The following CFLAR variants were observed in gnomAD, a reference collection of about 807,000 sequenced individuals.
CFLAR encodes CASP8 and FADD-like apoptosis regulator.
Under a neutral mutation model 51.1 loss-of-function variants are expected in CFLAR, and 14 were observed. The observed-to-expected ratio is 0.27, with a 90% CI of 0.18 to 0.43. CFLAR has a LOEUF of 0.43. Among genes scored for constraint, CFLAR ranks in the 20% least tolerant of loss-of-function variants. CFLAR has a pLI of 1.00. For synonymous variants in CFLAR, 210 were observed against 211.6 expected, an observed-to-expected ratio of 0.99 and a Z score of 0.06; for missense variants, 390 against 566.5, an observed-to-expected ratio of 0.69 and a Z score of 3.16.
At position 201,145,535 on chromosome 2, in the gene CFLAR, T is replaced by C. The variant is rs988075161; in HGVS notation, c.661+103T>C. 41 of 760,526 alleles carry C rather than the reference T, an allele frequency of 5.4e-5. No homozygotes were observed. In the Admixed American group the frequency reaches 5.8e-4, roughly 11 times the overall value. The allele number at this position is 760,526 out of a possible 1,614,324, so 47.1% of individuals were successfully genotyped here. ...GGTCATTTCCTTTATCTACATAATC[T>C]AAGTAAGCTCTCAAAATAAAAACTG... On this transcript the variant is annotated intron_variant, in intron 6 of 9. Coordinates refer to ENST00000309955, the MANE Select transcript of CFLAR (RefSeq NM_003879.7).
In CFLAR at chr2:201,138,082, G is replaced by A. The variant is rs953854397; in HGVS notation, c.523+1975G>A. 2.9e-5 allele frequency: 21 copies of A among 736,510 alleles called. No homozygotes were observed. Among genetic ancestry groups the A allele is most frequent in the Non-Finnish European group, 4.3e-5 (17 of 396,036 alleles). The allele number at this position is 736,510 out of a possible 1,614,324, so 45.6% of individuals were successfully genotyped here. A position where few individuals can be genotyped will look rare whatever the true frequency, so the allele number is the denominator to read the frequency against. On this transcript the variant is annotated intron_variant, in intron 4 of 9. Transcript: ENST00000309955. This position sits in a 1 kb window ranked among gnomAD's most constrained non-coding sequence, Gnocchi z 4.0. ...TCCTGGTTGATGTAGATGGAGCCGC[G>A]CAGTCCATGCCCCTGCCCAGCCCAT... is the stretch of plus-strand genomic sequence containing the variant.
intron 1 of CFLAR, among the ~76,000 whole-genome samples, chr2:201,119,401 G>T (rs1031748301): frequency 6.6e-6 from 1 of 152,176 alleles, no homozygotes; most frequent in African/African-American, 2.4e-5. Context: ...CCTGACTGGA[G>T]GAAGCCTGTG....
intron 4 of CFLAR, chr2:201,140,083 G>GC (rs11383425): frequency 1 from 243,695 of 243,846 alleles, 121,788 homozygotes; most frequent in Middle Eastern, 1. Flanking sequence ...CGACGCGGAG[G>GC]CGCGCCGCTG....
At chr2:201,150,925 C>A (rs1023269458) in intron 8 of CFLAR, among the ~76,000 whole-genome samples, 1 of 152,138 alleles carries the variant, frequency 6.6e-6, no homozygotes, top group African/African-American at 2.4e-5. Flanking sequence ...CTTAGTCTTG[C>A]CTTTTCTTTT....
At chr2:201,135,717 C>T (rs2050015279) in intron 3 of CFLAR, among the ~76,000 whole-genome samples, 1 of 152,098 alleles carries the variant, frequency 6.6e-6, no homozygotes, top group African/African-American at 2.4e-5. Context: ...GCCTTGACCT[C>T]TGAGTTCAAG....
intron 8 of CFLAR, among the ~76,000 whole-genome samples, chr2:201,156,660 T>C (rs1942225893): frequency 6.6e-6 from 1 of 152,154 alleles, no homozygotes; most frequent in African/African-American, 2.4e-5. Context: ...GTGCTGACCC[T>C]AGCCTTGAAT....
At chr2:201,161,738 CTTTTT>C (rs3044256) in intron 9 of CFLAR, among the ~76,000 whole-genome samples, 10 of 101,258 alleles carry the variant, frequency 9.9e-5, no homozygotes, top group Admixed American at 1.2e-4. Flanking sequence ...TTTAATTTTT[CTTTTT>C]TTTTTTTTTT....
chr2:201,132,932 G>A, intron 2 of CFLAR, 97 bp from the exon 3 acceptor site: 1 of 1,335,848 alleles, frequency 7.5e-7, no homozygotes, highest in South Asian at 1.4e-5. Context: ...GCAAGAACTA[G>A]TCTTTTAATC....
At chr2:201,141,330 T>C in intron 5 of CFLAR, 2 of 1,541,906 alleles carry the variant, frequency 1.3e-6, no homozygotes, top group African/African-American at 1.4e-5. Context: ...TATCCAGAGA[T>C]AGTCTACACA....
intron 5 of CFLAR, chr2:201,141,602 G>T: frequency 1.5e-6 from 2 of 1,295,970 alleles, no homozygotes; most frequent in East Asian, 3.1e-5. Flanking sequence ...ACTTCTTTGT[G>T]CATTTGTTTT....
At chr2:201,151,724 A>AT (rs1390768927) in intron 8 of CFLAR, among the ~76,000 whole-genome samples, 1 of 151,500 alleles carries the variant, frequency 6.6e-6, no homozygotes, top group African/African-American at 2.4e-5. Context: ...TGAGAGAATC[A>AT]TAAAAAAAAA....
intron 8 of CFLAR, chr2:201,153,451 G>A (rs929004046): frequency 6.6e-6 from 1 of 152,154 alleles, no homozygotes; most frequent in Non-Finnish European, 1.5e-5. Context: ...AAGATTCTAG[G>A]CCCAGAATCC....
chr2:201,156,218 G>A (rs568531885), intron 8 of CFLAR, among the ~76,000 whole-genome samples: 16 of 152,328 alleles, frequency 1.1e-4, no homozygotes, highest in African/African-American at 3.8e-4. Context: ...GTAAATTTGA[G>A]AAGCGCTGCC....
At chr2:201,130,187 G>GGGGGGGGGGTGGCA in intron 2 of CFLAR, 41 bp downstream of exon 2, 2 of 292,394 alleles carry the variant, frequency 6.8e-6, no homozygotes, top group African/African-American at 2.5e-5. Context: ...GGGTGGGAGG[G>GGGGGGGGGGTGGCA]AGTGAAGTGT....
intron 8 of CFLAR, chr2:201,154,602 A>T (rs992982535): frequency 1.3e-5 from 2 of 152,272 alleles, no homozygotes; most frequent in Non-Finnish European, 2.9e-5. Flanking sequence ...TAGGTGTTCA[A>T]TAAATAATTG....
chr2:201,150,678 G>A (rs1423310386), intron 8 of CFLAR, among the ~76,000 whole-genome samples: 1 of 152,150 alleles, frequency 6.6e-6, no homozygotes, highest in Non-Finnish European at 1.5e-5. Flanking sequence ...TAGCAGATAA[G>A]GGAAGAGAGA....
At position 201,129,634 on chromosome 2, in the gene CFLAR, C is replaced by T. The variant is rs559388223; in HGVS notation, c.-137-95C>T. 1.1e-5 allele frequency: 6 copies of T among 522,724 alleles called. No individual in the cohort carries two copies. In the Admixed American group the frequency reaches 1.3e-4, roughly 11 times the overall value. The allele number at this position is 522,724 out of a possible 1,614,324, so 32.4% of individuals were successfully genotyped here. A position where few individuals can be genotyped will look rare whatever the true frequency, so the allele number is the denominator to read the frequency against. ...TCTATAGAACTTAATCTACTTAAGTCAGGGAGACCACCCAGAAGGAAAGAG... is the reference window on the plus strand; with the variant it reads ...TCTATAGAACTTAATCTACTTAAGTTAGGGAGACCACCCAGAAGGAAAGAG... On this transcript the variant is annotated intron_variant, in intron 1 of 9. Coordinates refer to ENST00000309955, the MANE Select transcript of CFLAR (RefSeq NM_003879.7).
Position 201,171,671 on chromosome 2 carries a change from A to G in CFLAR, c.*7698A>G, listed in dbSNP as rs898954364. On this transcript the variant is annotated 3_prime_UTR_variant, in exon 10 of 10. Coordinates refer to ENST00000309955, the MANE Select transcript of CFLAR (RefSeq NM_003879.7). ...AACTTAAAATATTTTAAAAATCTTT[A>G]GAGAATACAAAAAAAAAAAAAAAGA... 8.7e-6 allele frequency: 1 copy of G among 115,184 alleles called. No individual in the cohort carries two copies. The highest frequency in any genetic ancestry group is 1.9e-5 in the Non-Finnish European group (1 of 53,472). 7.1% of individuals were successfully genotyped at this position (115,184 alleles called of 1,614,324 possible).
chr2:201,137,028 C>G (rs1241576320), intron 4 of CFLAR: 2 of 175,518 alleles, frequency 1.1e-5, no homozygotes, highest in African/African-American at 4.8e-5. Context: ...TAGCCCAGAG[C>G]TGGGGAAGGG....
Sources: gnomAD v4.1 joint callset for allele counts (sites outside exome capture counted in the v4.1 genomes callset) on GRCh38, gnomAD v4.1.1 for gene constraint, Gnocchi (gnomAD v3.1) non-coding constraint, MANE v1.5 for transcripts, NCBI Gene and HGNC (gene_info 2026-07-23, HGNC 2026-07-21) for gene names.